The following DICER1 variants were observed in gnomAD, a reference collection of about 807,000 sequenced individuals.
DICER1 encodes dicer 1, ribonuclease III.
In DICER1, 43 loss-of-function variants were observed where a neutral mutation model predicts 194.1. That is an observed-to-expected ratio of 0.22 (90% CI 0.17 to 0.29). The LOEUF (loss-of-function observed/expected upper bound fraction) is 0.29. DICER1 is among the 10% of genes least tolerant of loss of function. The pLI is 1.00. For missense variants in DICER1, 1,608 were observed against 2,317.0 expected (o/e 0.69, Z 6.28); for synonymous variants, 832 against 820.5 (o/e 1.01, Z -0.24).
At chr14:95,093,359 C>G (rs1890017943) in intron 24 of DICER1, among the ~76,000 whole-genome samples, 1 of 152,226 alleles carries the variant, frequency 6.6e-6, no homozygotes, top group Non-Finnish European at 1.5e-5. Flanking sequence ...TGTCACCAGA[C>G]AGCCTTTGGC....
chr14:95,099,724 C>T, intron 22 of DICER1, 56 bp downstream of exon 22: 1 of 1,540,302 alleles, frequency 6.5e-7, no homozygotes, highest in South Asian at 1.2e-5. Flanking sequence ...AAGTAAATCC[C>T]TCCAGTTACA....
rs1247349215 is a variant in DICER1 at position 95,106,238 on chromosome 14, C to CA, written c.2805-16dup. On this transcript the variant is annotated splice_polypyrimidine_tract_variant and intron_variant, in intron 17 of 26. Coordinates refer to ENST00000343455, the MANE Select transcript of DICER1 (RefSeq NM_177438.3). The stretch of plus-strand genomic sequence containing the variant: ...AATTGCGATATCTAAAAAAGAAAAA[C>CA]AAAAAAACAATCAGTTGCTTTTTGA... 2.5e-6 allele frequency: 4 copies of CA among 1,598,390 alleles called. No individual in the cohort carries two copies. Among genetic ancestry groups the CA allele is most frequent in the South Asian group, 2.2e-5 (2 of 90,632 alleles).
chr14:95,111,206 G>T, intron 14 of DICER1, 111 bp downstream of exon 14: 1 of 1,268,664 alleles, frequency 7.9e-7, no homozygotes, highest in Non-Finnish European at 1.2e-6. Flanking sequence ...TCCAGAGTGG[G>T]CCAAACTGTA....
At chr14:95,114,216 AC>A (rs1358080413) in intron 11 of DICER1, among the ~76,000 whole-genome samples, 2 of 152,232 alleles carry the variant, frequency 1.3e-5, no homozygotes. Flanking sequence ...GAAATTGCCA[AC>A]ATCAAGGCTG....
chr14:95,138,986 T>TAAAAAAAAAAAAAAAAAAAAAAA (rs1289692370), intron 1 of DICER1, among the ~76,000 whole-genome samples: 3 of 31,672 alleles, frequency 9.5e-5, no homozygotes, highest in East Asian at 4.2e-4. Context: ...TAAAAATAAA[T>TAAAAAAAAAAAAAAAAAAAAAAA]AAAAAAATAA....
At chr14:95,108,184 G>T in intron 15 of DICER1, 91 bp from the exon 16 acceptor site, 2 of 1,309,300 alleles carry the variant, frequency 1.5e-6, no homozygotes, top group Non-Finnish European at 2.2e-6. Context: ...ATGCTTTCTA[G>T]TGGAGAAATA....
At chr14:95,119,112 A>G (rs1415511870) in intron 8 of DICER1, among the ~76,000 whole-genome samples, 1 of 152,250 alleles carries the variant, frequency 6.6e-6, no homozygotes, top group African/African-American at 2.4e-5. Flanking sequence ...GAAATAATAC[A>G]TACTTCCAAA....
rs762786263 is a variant in DICER1 at position 95,099,756 on chromosome 14, AC to A, written c.4206+23del. ...TACACACACACACACACACACACAC[AC>A]ACACACACACACACAAACTTACCAT... is the stretch of plus-strand genomic sequence containing the variant. On this transcript the variant is annotated intron_variant, in intron 22 of 26. Transcript: ENST00000343455. The A allele has an allele frequency of 7.0e-3, 10,577 of 1,504,592 alleles. 34 individuals are homozygous for A. The East Asian group carries it at 0.073, about 10-fold the overall frequency. The allele number at this position is 1,504,592 out of a possible 1,614,324, so 93.2% of individuals were successfully genotyped here.
chr14:95,128,753 G>GA (rs1336563046), intron 6 of DICER1, among the ~76,000 whole-genome samples: 2 of 152,198 alleles, frequency 1.3e-5, no homozygotes, highest in Non-Finnish European at 2.9e-5. Flanking sequence ...CACAACTTGA[G>GA]AAATCAGTCT....
intron 8 of DICER1, among the ~76,000 whole-genome samples, chr14:95,123,730 T>C (rs1893141344): frequency 6.6e-6 from 1 of 152,176 alleles, no homozygotes. Context: ...TGAATCCATA[T>C]TTTTAAGAGA....
chr14:95,108,524 T>C, intron 14 of DICER1, 21 bp from the exon 15 acceptor site: 1 of 1,609,734 alleles, frequency 6.2e-7, no homozygotes, highest in Non-Finnish European at 8.5e-7. Flanking sequence ...AAAGGAAAAT[T>C]AAGCGTCATG....
chr14:95,117,491 T>C (rs1388870388), intron 9 of DICER1, 131 bp downstream of exon 9: 2 of 963,164 alleles, frequency 2.1e-6, no homozygotes, highest in South Asian at 1.4e-5. Context: ...GTCTAATATA[T>C]GAAGAAGTAT....
chr14:95,094,246 T>C, intron 23 of DICER1, 90 bp from the exon 24 acceptor site: 2 of 1,486,670 alleles, frequency 1.3e-6, no homozygotes, highest in Non-Finnish European at 1.9e-6. Flanking sequence ...CGAAGAAGAT[T>C]TGTATTTACA....
chr14:95,097,313 C>T (rs1239366102), intron 22 of DICER1, among the ~76,000 whole-genome samples: 1 of 152,156 alleles, frequency 6.6e-6, no homozygotes, highest in Non-Finnish European at 1.5e-5. Context: ...AAAAAAACTA[C>T]ACTGCTTTCC....
At chr14:95,133,575 G>T (rs756435611) in intron 1 of DICER1, 72 bp from the exon 2 acceptor site, 1 of 1,107,534 alleles carries the variant, frequency 9.0e-7, no homozygotes, top group Non-Finnish European at 1.3e-6. Context: ...AGAAACAAGA[G>T]AAACATCAGA....
At chr14:95,120,274 C>T (rs1324911362) in intron 8 of DICER1, among the ~76,000 whole-genome samples, 1 of 152,142 alleles carries the variant, frequency 6.6e-6, no homozygotes, top group East Asian at 1.9e-4. Flanking sequence ...CTGACAGTTA[C>T]ATAATAGCAT....
In DICER1 at chr14:95,124,891, CAG is replaced by C. The variant is rs1426210189; in HGVS notation, c.904-225_904-224del. On this transcript the variant is annotated intron_variant, in intron 7 of 26. Transcript: ENST00000343455. The surrounding 1 kb of genome is among the most constrained non-coding windows in gnomAD (Gnocchi z 4.5). ...TCCTTTTTTCAATAAAATAATCAAA[CAG>C]AAATTAAAAGATGCAATTGTATGAG... is the stretch of plus-strand genomic sequence containing the variant. 6.6e-6 allele frequency among the ~76,000 whole-genome samples: 1 copy of C among 152,164 alleles called. No homozygotes were observed. The highest frequency in any genetic ancestry group is 2.1e-4 in the South Asian group (1 of 4,820).
At position 95,102,526 on chromosome 14, in the gene DICER1, G is replaced by A. The variant is rs568985485; in HGVS notation, c.4050+820C>T. The stretch of plus-strand genomic sequence containing the variant: ...ACGGCTGCTTCCCTGACGCTGACAT[G>A]CTCTGCCATCTGTTCACTTTGCTTA... On this transcript the variant is annotated intron_variant, in intron 21 of 26. Transcript: ENST00000343455. 6.6e-5 allele frequency among the ~76,000 whole-genome samples: 10 copies of A among 152,094 alleles called. No individual in the cohort carries two copies. The South Asian group carries it at 1.7e-3, about 25-fold the overall frequency.
intron 9 of DICER1, among the ~76,000 whole-genome samples, chr14:95,117,327 C>T (rs1892563838): frequency 6.6e-6 from 1 of 151,966 alleles, no homozygotes. Context: ...GTCATACATG[C>T]TTTGTCTTTC....
Sources: allele counts gnomAD v4.1 joint callset (sites outside exome capture counted in the v4.1 genomes callset), GRCh38; gene constraint gnomAD v4.1.1; non-coding constraint Gnocchi (gnomAD v3.1); transcripts MANE v1.5; gene names NCBI Gene and HGNC (gene_info 2026-07-23, HGNC 2026-07-21).